CCSER1: variants seen among roughly 807,000 people sequenced by gnomAD.
The protein encoded by CCSER1 is serine-rich coiled-coil domain-containing protein 1.
A neutral mutation model predicts 82.0 loss-of-function variants in CCSER1; 41 were observed. That is an observed-to-expected ratio of 0.50 (90% CI 0.39 to 0.65). The LOEUF is 0.65. Among genes scored for constraint, CCSER1 ranks in the 30% least tolerant of loss-of-function variants. The pLI is 0.00. For synonymous variants in CCSER1, 414 were observed against 383.9 expected (o/e 1.08, Z -0.92); for missense variants, 1,119 against 1,064.2 (o/e 1.05, Z -0.72).
chr4:90,528,784 T>C (rs1215955111), intron 5 of CCSER1, among the ~76,000 whole-genome samples: 1 of 152,180 alleles, frequency 6.6e-6, no homozygotes, highest in Non-Finnish European at 1.5e-5. Context: ...TCCCAATGGG[T>C]TGTAGAGAAG....
At chr4:90,420,389 A>G (rs1756505880) in intron 4 of CCSER1, among the ~76,000 whole-genome samples, 1 of 152,038 alleles carries the variant, frequency 6.6e-6, no homozygotes, top group Non-Finnish European at 1.5e-5. Context: ...TTCTTCTCCT[A>G]TGAATATTAA....
At chr4:91,173,954 A>G (rs544472031) in intron 10 of CCSER1, among the ~76,000 whole-genome samples, 1 of 152,214 alleles carries the variant, frequency 6.6e-6, no homozygotes, top group Non-Finnish European at 1.5e-5. Flanking sequence ...AGTCTTAAAA[A>G]TTGTAGTTTT....
chr4:90,386,127 C>T (rs998097907), intron 3 of CCSER1, among the ~76,000 whole-genome samples: 3 of 152,096 alleles, frequency 2.0e-5, no homozygotes, highest in East Asian at 1.9e-4. Flanking sequence ...AAAATACCAC[C>T]ATCATTTGTT....
chr4:91,523,202 C>G (rs1273454069), intron 10 of CCSER1, among the ~76,000 whole-genome samples: 5 of 152,106 alleles, frequency 3.3e-5, no homozygotes, highest in African/African-American at 7.2e-5. Flanking sequence ...GTTGAACCAG[C>G]CTTGCATCCC....
intron 10 of CCSER1, among the ~76,000 whole-genome samples, chr4:91,137,163 C>T (rs13135638): frequency 2.7e-5 from 3 of 111,366 alleles, no homozygotes; most frequent in Non-Finnish European, 5.4e-5. Context: ...CCTCCCCCCT[C>T]CCCCCACCCC....
chr4:90,406,308 A>G (rs988612253), intron 4 of CCSER1, among the ~76,000 whole-genome samples: 5 of 152,198 alleles, frequency 3.3e-5, no homozygotes, highest in Non-Finnish European at 7.4e-5. Flanking sequence ...ATAGGAAAAT[A>G]TTGCAGTTCT....
intron 6 of CCSER1, among the ~76,000 whole-genome samples, chr4:90,695,037 A>AATATATAT (rs111663265): frequency 9.9e-4 from 147 of 148,300 alleles, no homozygotes; most frequent in East Asian, 1.6e-3. Flanking sequence ...CCATAATTAG[A>AATATATAT]ATATATGTAT....
At chr4:90,197,429 G>T (rs1289638598) in intron 1 of CCSER1, among the ~76,000 whole-genome samples, 1 of 152,046 alleles carries the variant, frequency 6.6e-6, no homozygotes, top group Non-Finnish European at 1.5e-5. Context: ...TCATTACTGG[G>T]TATATACCCC....
At chr4:91,047,575 C>G (rs1320603288) in intron 9 of CCSER1, among the ~76,000 whole-genome samples, 1 of 152,106 alleles carries the variant, frequency 6.6e-6, no homozygotes, top group Non-Finnish European at 1.5e-5. Flanking sequence ...CAATTCTTGG[C>G]TCTGGTTTTT....
At chr4:91,244,990 G>A (rs368579443) in intron 10 of CCSER1, among the ~76,000 whole-genome samples, 1 of 151,848 alleles carries the variant, frequency 6.6e-6, no homozygotes. Flanking sequence ...AATGCAATTG[G>A]CATACTGAAG....
chr4:90,706,663 T>C lies in CCSER1; in HGVS notation c.1933-17251T>C, dbSNP rs560501067. Among the ~76,000 whole-genome samples, 5 of 152,258 alleles carry C rather than the reference T, an allele frequency of 3.3e-5. No individual in the cohort carries two copies. The South Asian group carries it at 8.3e-4, about 25-fold the overall frequency. On this transcript the variant is annotated intron_variant, in intron 6 of 10. Transcript: ENST00000509176. ...CAAGGAAAAATTACAGAAAATGAAG[T>C]AAACCGTTGATTATCCCCCTAAAGT...
intron 10 of CCSER1, among the ~76,000 whole-genome samples, chr4:91,449,166 A>T (rs1356499448): frequency 6.6e-6 from 1 of 152,012 alleles, no homozygotes; most frequent in Non-Finnish European, 1.5e-5. Context: ...CATGCCAGAG[A>T]GATAGACGTT....
intron 1 of CCSER1, among the ~76,000 whole-genome samples, chr4:90,213,167 G>C (rs1740354703): frequency 6.6e-6 from 1 of 152,168 alleles, no homozygotes; most frequent in Non-Finnish European, 1.5e-5. Flanking sequence ...AGAAAGCAAT[G>C]GTAGCTGACA....
chr4:90,486,953 C>G (rs1303296310), intron 5 of CCSER1, among the ~76,000 whole-genome samples: 3 of 152,198 alleles, frequency 2.0e-5, no homozygotes, highest in African/African-American at 7.2e-5. Context: ...GCTCTGTTGC[C>G]CAGGCTGGAG....
intron 7 of CCSER1, among the ~76,000 whole-genome samples, chr4:90,764,537 A>G (rs1267914832): frequency 1.3e-5 from 2 of 152,150 alleles, no homozygotes; most frequent in African/African-American, 2.4e-5. Context: ...TATAGGCTGC[A>G]TGGATCATAA....
At chr4:91,290,943 TTAA>T (rs1411272757) in intron 10 of CCSER1, among the ~76,000 whole-genome samples, 3 of 151,882 alleles carry the variant, frequency 2.0e-5, no homozygotes, top group Non-Finnish European at 4.4e-5. Context: ...TTTTAAATAA[TTAA>T]TGAGCTAACT....
intron 8 of CCSER1, among the ~76,000 whole-genome samples, chr4:90,897,908 G>C (rs552346860): frequency 6.6e-6 from 1 of 152,128 alleles, no homozygotes; most frequent in East Asian, 1.9e-4. Flanking sequence ...CAACTTGTAT[G>C]TTTTCTTTAG....
At chr4:91,080,725 T>A (rs576160868) in intron 9 of CCSER1, among the ~76,000 whole-genome samples, 6 of 152,086 alleles carry the variant, frequency 3.9e-5, no homozygotes, top group African/African-American at 1.2e-4. Context: ...TAAAAAATGA[T>A]AAAGGGGATA....
At chr4:91,585,948 T>C (rs1333464552) in intron 10 of CCSER1, among the ~76,000 whole-genome samples, 3 of 151,670 alleles carry the variant, frequency 2.0e-5, no homozygotes, top group Non-Finnish European at 4.4e-5. Flanking sequence ...ATTAAAAAAT[T>C]ATCCCTCTTT....
Sources: allele counts gnomAD v4.1 joint callset (sites outside exome capture counted in the v4.1 genomes callset), GRCh38; gene constraint gnomAD v4.1.1; transcripts MANE v1.5; gene names NCBI Gene and HGNC (gene_info 2026-07-23, HGNC 2026-07-21).